Variants in SLC24A2 observed in about 807,000 individuals in gnomAD.
SLC24A2 encodes sodium/potassium/calcium exchanger 2.
A neutral mutation model predicts 62.0 loss-of-function variants in SLC24A2; 36 were observed. That is an observed-to-expected ratio of 0.58 (90% CI 0.44 to 0.77). The LOEUF is 0.77. Among genes scored for constraint, SLC24A2 ranks in the 30% least tolerant of loss-of-function variants. The pLI, the probability that SLC24A2 is intolerant of heterozygous loss-of-function variation, is 0.00. For synonymous variants in SLC24A2, 358 were observed against 294.0 expected (o/e 1.22, Z -2.23); for missense variants, 846 against 817.9 (o/e 1.03, Z -0.42).
chr9:20,297,666 G>A, the SLC24A2 span, among the ~76,000 whole-genome samples: 1 of 152,054 alleles, frequency 6.6e-6, no homozygotes, highest in East Asian at 1.9e-4. Context: ...TGACTCTGTC[G>A]TGTGACAGCT....
At chr9:19,934,463 C>T in the SLC24A2 span, among the ~76,000 whole-genome samples, 1 of 152,026 alleles carries the variant, frequency 6.6e-6, no homozygotes, top group Non-Finnish European at 1.5e-5. This position sits in a 1 kb window ranked among gnomAD's most constrained non-coding sequence, Gnocchi z 4.1. Flanking sequence ...CCACAAGGAC[C>T]CCAAGCAAAT....
chr9:19,605,978 T>C (rs1397486322), intron 4 of SLC24A2, among the ~76,000 whole-genome samples: 1 of 152,188 alleles, frequency 6.6e-6, no homozygotes, highest in Non-Finnish European at 1.5e-5. Flanking sequence ...AAGAATCTGA[T>C]GGGAAGAGGT....
intron 10 of SLC24A2, among the ~76,000 whole-genome samples, chr9:19,516,914 C>G (rs778396928): frequency 6.6e-6 from 1 of 151,972 alleles, no homozygotes; most frequent in East Asian, 1.9e-4. Context: ...TTGGGGGCCA[C>G]GATACAATAT....
At chr9:19,592,903 C>G (rs1016597079) in intron 5 of SLC24A2, among the ~76,000 whole-genome samples, 3 of 152,084 alleles carry the variant, frequency 2.0e-5, no homozygotes, top group African/African-American at 7.2e-5. Flanking sequence ...GTAGGGGTAG[C>G]TGAAGTTACC....
chr9:20,258,297 G>A, the SLC24A2 span, among the ~76,000 whole-genome samples: 1 of 152,228 alleles, frequency 6.6e-6, no homozygotes, highest in East Asian at 1.9e-4. Context: ...AGTAAGCACT[G>A]AGCCTATCCC....
the SLC24A2 span, among the ~76,000 whole-genome samples, chr9:20,300,934 C>T: frequency 6.6e-6 from 1 of 152,176 alleles, no homozygotes; most frequent in African/African-American, 2.4e-5. Flanking sequence ...CATCGTGACA[C>T]ATTAAGGCAT....
At chr9:19,546,687 A>C (rs970376421) in intron 8 of SLC24A2, among the ~76,000 whole-genome samples, 4 of 151,864 alleles carry the variant, frequency 2.6e-5, no homozygotes, top group African/African-American at 4.8e-5. Context: ...TTTTCCAGGG[A>C]AGTGAATGGT....
At chr9:19,813,383 C>G in the SLC24A2 span, among the ~76,000 whole-genome samples, 1 of 128,136 alleles carries the variant, frequency 7.8e-6, no homozygotes, top group South Asian at 2.5e-4. Context: ...AATGCGGTGG[C>G]ACGATCTCGG....
intron 2 of SLC24A2, among the ~76,000 whole-genome samples, chr9:19,684,609 G>A (rs1421759015): frequency 6.6e-6 from 1 of 152,088 alleles, no homozygotes; most frequent in Non-Finnish European, 1.5e-5. Flanking sequence ...TTTCAGGGTA[G>A]TGAGTTTCAT....
the SLC24A2 span, among the ~76,000 whole-genome samples, chr9:20,075,254 G>C: frequency 6.6e-6 from 1 of 152,262 alleles, no homozygotes; most frequent in East Asian, 1.9e-4. Context: ...CTAACACCAT[G>C]TTGAGTGCTT....
At chr9:19,640,660 G>C (rs569672220) in intron 2 of SLC24A2, among the ~76,000 whole-genome samples, 1 of 152,242 alleles carries the variant, frequency 6.6e-6, no homozygotes, top group South Asian at 2.1e-4. Flanking sequence ...TGAACAAAAT[G>C]TCAAGATTTT....
the SLC24A2 span, among the ~76,000 whole-genome samples, chr9:19,984,607 G>C: frequency 6.6e-6 from 1 of 152,182 alleles, no homozygotes; most frequent in African/African-American, 2.4e-5. Flanking sequence ...TCAGTAGGCT[G>C]AGGCAGGAGA....
intron 2 of SLC24A2, among the ~76,000 whole-genome samples, chr9:19,655,952 A>T (rs887956174): frequency 6.6e-6 from 1 of 152,176 alleles, no homozygotes; most frequent in African/African-American, 2.4e-5. Flanking sequence ...GCCATACTTG[A>T]TACTGAAAAA....
At chr9:20,157,475 A>G in the SLC24A2 span, among the ~76,000 whole-genome samples, 9 of 151,676 alleles carry the variant, frequency 5.9e-5, no homozygotes, top group Admixed American at 5.9e-4. Context: ...GAAAAAGAAA[A>G]CCACCCTCGG....
chr9:19,906,005 C>A, the SLC24A2 span, among the ~76,000 whole-genome samples: 2 of 152,124 alleles, frequency 1.3e-5, no homozygotes, highest in African/African-American at 4.8e-5. Flanking sequence ...ACTCTCCACC[C>A]CAAATCAACA....
intron 2 of SLC24A2, among the ~76,000 whole-genome samples, chr9:19,748,397 G>C (rs1265629715): frequency 6.6e-6 from 1 of 152,118 alleles, no homozygotes; most frequent in Non-Finnish European, 1.5e-5. Context: ...CCTCTGAAAA[G>C]TATAACACAA....
chr9:20,177,033 G>T, the SLC24A2 span, among the ~76,000 whole-genome samples: 4 of 152,054 alleles, frequency 2.6e-5, no homozygotes, highest in African/African-American at 9.7e-5. Context: ...TTGATTCACA[G>T]AAATGTCTAT....
At chr9:19,937,799 A>C in the SLC24A2 span, among the ~76,000 whole-genome samples, 1 of 152,334 alleles carries the variant, frequency 6.6e-6, no homozygotes, top group South Asian at 2.1e-4. Context: ...CTGTGTTCTA[A>C]TGCTGTCTTC....
chr9:19,878,332 T>G, the SLC24A2 span, among the ~76,000 whole-genome samples: 10 of 152,022 alleles, frequency 6.6e-5, 1 homozygote, highest in Non-Finnish European at 1.5e-4. Context: ...GGAGTAGGAG[T>G]GGGGCCAGTT....
Sources: allele counts gnomAD v4.1 joint callset (sites outside exome capture counted in the v4.1 genomes callset), GRCh38; gene constraint gnomAD v4.1.1; non-coding constraint Gnocchi (gnomAD v3.1); transcripts MANE v1.5; gene names NCBI Gene and HGNC (gene_info 2026-07-23, HGNC 2026-07-21).